Variants in PCCA observed in about 807,000 individuals in gnomAD.
PCCA encodes propionyl-CoA carboxylase subunit alpha.
In PCCA, 74 loss-of-function variants were observed where a neutral mutation model predicts 101.3. That is an observed-to-expected ratio of 0.73 (90% CI 0.61 to 0.89). PCCA has a LOEUF of 0.89. Ranked by LOEUF, PCCA falls within the 40% of genes least tolerant of loss-of-function variation. The probability of loss-of-function intolerance (pLI) is 0.00; values close to 1 mark genes in which losing one functional copy is unlikely to be tolerated. For synonymous variants in PCCA, 294 were observed against 313.6 expected, an observed-to-expected ratio of 0.94 and a Z score of 0.66; for missense variants, 891 against 907.0, an observed-to-expected ratio of 0.98 and a Z score of 0.23.
intron 12 of PCCA, among the ~76,000 whole-genome samples, chr13:100,300,872 C>G (rs2066007682): frequency 6.6e-6 from 1 of 152,246 alleles, no homozygotes; most frequent in Non-Finnish European, 1.5e-5. Context: ...CGCACTGGCT[C>G]TGTTTTGCAA....
chr13:100,173,537 G>A (rs2055926048), intron 6 of PCCA, among the ~76,000 whole-genome samples: 1 of 152,190 alleles, frequency 6.6e-6, no homozygotes, highest in African/African-American at 2.4e-5. Flanking sequence ...GTAGACAAGT[G>A]TATTTATCCT....
intron 4 of PCCA, among the ~76,000 whole-genome samples, chr13:100,146,673 A>T (rs938761520): frequency 3.3e-5 from 5 of 152,108 alleles, no homozygotes; most frequent in African/African-American, 1.2e-4. Flanking sequence ...AATGCGAATT[A>T]AAAAAATGAA....
intron 1 of PCCA, among the ~76,000 whole-genome samples, chr13:100,093,197 C>T (rs1259854765): frequency 6.6e-6 from 1 of 152,122 alleles, no homozygotes; most frequent in Non-Finnish European, 1.5e-5. Context: ...GTTAGATGCC[C>T]GCAGGAGCCA....
At chr13:100,386,887 G>A (rs1327710225) in intron 19 of PCCA, among the ~76,000 whole-genome samples, 1 of 152,118 alleles carries the variant, frequency 6.6e-6, no homozygotes, top group Non-Finnish European at 1.5e-5. Context: ...TATCTTTTTA[G>A]TATTTTTTGA....
chr13:100,219,416 T>C (rs1470878328), intron 7 of PCCA, among the ~76,000 whole-genome samples: 1 of 152,154 alleles, frequency 6.6e-6, no homozygotes, highest in Non-Finnish European at 1.5e-5. Flanking sequence ...GGAGAGTGTT[T>C]GATCTGGAAA....
At position 100,216,388 on chromosome 13, in the gene PCCA, G is replaced by A. The variant is rs528390191; in HGVS notation, c.600+6925G>A. Among the ~76,000 whole-genome samples, 5 of 152,362 alleles carry A rather than the reference G, an allele frequency of 3.3e-5. No homozygotes were observed. In the East Asian group the frequency reaches 9.6e-4, roughly 29 times the overall value. On this transcript the variant is annotated intron_variant, in intron 7 of 23. Coordinates refer to ENST00000376285, the MANE Select transcript of PCCA (RefSeq NM_000282.4). ...TAAAAAAAGATAATGGTGTAGTAGGGAGCTTAGATTTTTAGGGCCTTACAG... is the reference window on the plus strand; with the variant it reads ...TAAAAAAAGATAATGGTGTAGTAGGAAGCTTAGATTTTTAGGGCCTTACAG...
chr13:100,440,437 G>A (rs2080287643), intron 20 of PCCA, among the ~76,000 whole-genome samples: 1 of 151,256 alleles, frequency 6.6e-6, no homozygotes, highest in African/African-American at 2.4e-5. Context: ...TTGAGAGGAA[G>A]TTAAAAATGT....
intron 4 of PCCA, among the ~76,000 whole-genome samples, chr13:100,118,229 C>A (rs1014407113): frequency 1.3e-5 from 2 of 151,590 alleles, no homozygotes; most frequent in African/African-American, 4.8e-5. Context: ...ATCTATAATA[C>A]CTTATGAAAC....
chr13:100,373,558 A>G (rs943687551), intron 19 of PCCA, among the ~76,000 whole-genome samples: 7 of 152,178 alleles, frequency 4.6e-5, no homozygotes, highest in Non-Finnish European at 1.0e-4. Flanking sequence ...AGACTGATAG[A>G]GACAGAAACT....
chr13:100,216,693 G>C (rs1011787771), intron 7 of PCCA, among the ~76,000 whole-genome samples: 10 of 152,112 alleles, frequency 6.6e-5, no homozygotes. Context: ...AAAACCAAGA[G>C]AAAAAATTAA....
intron 6 of PCCA, among the ~76,000 whole-genome samples, chr13:100,203,273 C>CAA (rs998482300): frequency 6.2e-5 from 4 of 64,240 alleles, no homozygotes; most frequent in Admixed American, 1.8e-4. Context: ...GACTCCGTCT[C>CAA]AAAAAAAAAA....
intron 21 of PCCA, among the ~76,000 whole-genome samples, chr13:100,506,220 T>C (rs2086064357): frequency 6.6e-6 from 1 of 151,980 alleles, no homozygotes; most frequent in South Asian, 2.1e-4. Context: ...TTGGCCACCT[T>C]CAGCATCGTG....
At chr13:100,427,084 G>A (rs1339142289) in intron 20 of PCCA, among the ~76,000 whole-genome samples, 1 of 152,180 alleles carries the variant, frequency 6.6e-6, no homozygotes, top group Non-Finnish European at 1.5e-5. Flanking sequence ...GGGTGTGGTG[G>A]CGGGCGCCTG....
Position 100,215,484 on chromosome 13 carries a change from C to T in PCCA, c.600+6021C>T, listed in dbSNP as rs998048854. On this transcript the variant is annotated intron_variant, in intron 7 of 23. Coordinates refer to ENST00000376285, the MANE Select transcript of PCCA (RefSeq NM_000282.4). ...GGGGCTATATTCACAATTTTATATA[C>T]AGGCATGTCTTCATATCTACAAGGG... Among the ~76,000 whole-genome samples, 4 of 152,136 alleles carry T rather than the reference C, an allele frequency of 2.6e-5. No individual in the cohort carries two copies. The East Asian group carries it at 5.8e-4, about 22-fold the overall frequency.
intron 7 of PCCA, among the ~76,000 whole-genome samples, chr13:100,224,634 T>G (rs1242692022): frequency 6.6e-6 from 1 of 152,242 alleles, no homozygotes; most frequent in Non-Finnish European, 1.5e-5. Flanking sequence ...TTCAGGCAAT[T>G]GACTACATTT....
chr13:100,446,007 G>A (rs1016867182), intron 20 of PCCA, among the ~76,000 whole-genome samples: 1 of 152,066 alleles, frequency 6.6e-6, no homozygotes, highest in African/African-American at 2.4e-5. Context: ...TTCCATAATG[G>A]CTGAATCTTG....
intron 22 of PCCA, among the ~76,000 whole-genome samples, chr13:100,520,204 T>C (rs1029510561): frequency 6.6e-6 from 1 of 152,252 alleles, no homozygotes; most frequent in Non-Finnish European, 1.5e-5. Context: ...TTTCAAATTT[T>C]ATTTAACAAT....
chr13:100,483,948 A>G (rs1289090804), intron 21 of PCCA, among the ~76,000 whole-genome samples: 2 of 152,166 alleles, frequency 1.3e-5, no homozygotes, highest in East Asian at 3.8e-4. Flanking sequence ...GGTTTCATGG[A>G]TGGAGGAAAA....
At chr13:100,496,924 GT>G (rs1260118549) in intron 21 of PCCA, among the ~76,000 whole-genome samples, 1 of 152,218 alleles carries the variant, frequency 6.6e-6, no homozygotes, top group African/African-American at 2.4e-5. Flanking sequence ...GTGTGTTCAG[GT>G]CGCTACAGTG....
Sources: allele counts gnomAD v4.1 joint callset (sites outside exome capture counted in the v4.1 genomes callset), GRCh38; gene constraint gnomAD v4.1.1; transcripts MANE v1.5; gene names NCBI Gene and HGNC (gene_info 2026-07-23, HGNC 2026-07-21).